The following RTN4 variants were observed in gnomAD, a reference collection of about 807,000 sequenced individuals.
The protein encoded by RTN4 is reticulon-4.
Under a neutral mutation model 90.4 loss-of-function variants are expected in RTN4, and 32 were observed. That is an observed-to-expected ratio of 0.35 (90% confidence interval 0.27 to 0.48). RTN4 has a LOEUF of 0.48. Ranked by LOEUF, RTN4 falls within the 20% of genes least tolerant of loss-of-function variation. The pLI, the probability that RTN4 is intolerant of heterozygous loss-of-function variation, is 0.99. For synonymous variants in RTN4, 629 were observed against 552.5 expected (o/e 1.14, Z -1.94); for missense variants, 1,706 against 1,430.2 (o/e 1.19, Z -3.11).
chr2:55,134,998 G>A, the RTN4 span, among the ~76,000 whole-genome samples: 1 of 152,098 alleles, frequency 6.6e-6, no homozygotes, highest in Non-Finnish European at 1.5e-5. Flanking sequence ...ACCAGGCATG[G>A]TGGCTCACAC....
chr2:55,080,072 A>G (rs2972067), intron 2 of RTN4, among the ~76,000 whole-genome samples: 102,564 of 152,004 alleles, frequency 0.67, 37,114 homozygotes, highest in East Asian at 0.92. Context: ...GCTAGAGTGT[A>G]GTGGCATGAT....
At chr2:55,115,813 G>T (rs1450552093), upstream of RTN4, among the ~76,000 whole-genome samples, 1 of 152,186 alleles carries the variant, frequency 6.6e-6, no homozygotes, top group Non-Finnish European at 1.5e-5. Flanking sequence ...AAAGTCACCA[G>T]TGTGCTGCTA....
chr2:55,025,350 G>C lies in RTN4; in HGVS notation c.2749C>G (p.His917Asp). Reference sequence around the variant, plus strand: ...TGTATGTTCTTCAAAGAAAGGTCATGGGGCAATTCTGTGCAAGGCAATGAC... The same window carrying C: ...TGTATGTTCTTCAAAGAAAGGTCATCGGGCAATTCTGTGCAAGGCAATGAC... ...AGSLPCTELP[H>D]DLSLKNIQPK... The change falls in exon 3 of 9, where the codon CAT becomes GAT. Residue 917 changes from histidine (H) to aspartate (D), a missense_variant. Transcript: ENST00000337526. 6.2e-7 allele frequency: 1 copy of C among 1,613,938 alleles called. No homozygotes were observed. Among genetic ancestry groups the C allele is most frequent in the Non-Finnish European group, 8.5e-7 (1 of 1,179,878 alleles).
chr2:54,976,637 T>C (rs1677658710), intron 5 of RTN4, among the ~76,000 whole-genome samples: 1 of 152,140 alleles, frequency 6.6e-6, no homozygotes, highest in African/African-American at 2.4e-5. Flanking sequence ...ACAGAAATAG[T>C]GGTTAAGTGT....
intron 1 of RTN4, among the ~76,000 whole-genome samples, chr2:55,099,480 C>G (rs545239468): frequency 6.6e-6 from 1 of 152,006 alleles, no homozygotes; most frequent in Non-Finnish European, 1.5e-5. Context: ...CTTCAGGGAT[C>G]CCTTGTTCAT....
At chr2:54,988,103 G>A (rs1558770120) in intron 3 of RTN4, among the ~76,000 whole-genome samples, 1 of 152,178 alleles carries the variant, frequency 6.6e-6, no homozygotes, top group East Asian at 1.9e-4. Context: ...GATCACCTGA[G>A]GTCAGGCATT....
chr2:55,016,330 C>T (rs960526140), intron 3 of RTN4, among the ~76,000 whole-genome samples: 4 of 152,146 alleles, frequency 2.6e-5, no homozygotes, highest in Non-Finnish European at 5.9e-5. Flanking sequence ...TGCCTTTAAT[C>T]CCAGCACTTT....
intron 1 of RTN4, among the ~76,000 whole-genome samples, chr2:55,095,278 C>T (rs764517570): frequency 1.3e-5 from 2 of 151,684 alleles, no homozygotes; most frequent in Non-Finnish European, 2.9e-5. Context: ...GAGCCGAGAT[C>T]GTGCCACTGC....
chr2:55,070,378 T>G (rs930551176), intron 2 of RTN4, among the ~76,000 whole-genome samples: 9 of 151,718 alleles, frequency 5.9e-5, no homozygotes, highest in Non-Finnish European at 7.4e-5. Flanking sequence ...ATCTTGTCTC[T>G]ACTAAAAATG....
In RTN4 at chr2:55,080,890, T is replaced by C. The variant is rs550106791; in HGVS notation, c.-213-251A>G. ...ATTTGAAAGAACTAATTTTACACTA[T>C]GTAAAGAATGCGCAATCTTTATCTT... On this transcript the variant is annotated intron_variant, in intron 1 of 3. Coordinates refer to the RTN4 transcript ENST00000427710. Among the ~76,000 whole-genome samples, 229 of 152,330 alleles carry C rather than the reference T, an allele frequency of 1.5e-3. 1 individual carries two copies. The highest frequency in any genetic ancestry group is 2.8e-3 in the Non-Finnish European group (192 of 68,036).
chr2:55,085,451 TC>T (rs781527688), intron 1 of RTN4, among the ~76,000 whole-genome samples: 1 of 152,282 alleles, frequency 6.6e-6, no homozygotes, highest in East Asian at 1.9e-4. Flanking sequence ...AGTCTTCAGT[TC>T]GATGGCAGTC....
At chr2:55,058,491 C>A (rs558667441) in intron 2 of RTN4, among the ~76,000 whole-genome samples, 1 of 152,242 alleles carries the variant, frequency 6.6e-6, no homozygotes, top group Admixed American at 6.5e-5. Flanking sequence ...CTACCAGCCA[C>A]TTTCAGGCTT....
chr2:55,129,856 C>T, the RTN4 span, among the ~76,000 whole-genome samples: 1 of 151,920 alleles, frequency 6.6e-6, no homozygotes, highest in South Asian at 2.1e-4. Context: ...CCACCGTGCC[C>T]GGTCAACTCG....
Position 54,977,454 on chromosome 2 carries a change from G to C in RTN4, c.3361-2690C>G, listed in dbSNP as rs181076011. ...ACTTTCAGATTTAAGATTGTGTTCT[G>C]GAACATTATAGTTGCGCCTCAATTA... On this transcript the variant is annotated intron_variant, in intron 5 of 8. Coordinates refer to ENST00000337526, the MANE Select transcript of RTN4 (RefSeq NM_020532.5). Among the ~76,000 whole-genome samples the C allele has an allele frequency of 1.9e-3, 277 of 144,850 alleles. 3 individuals are homozygous for C. The highest frequency in any genetic ancestry group is 3.0e-4 in the Non-Finnish European group (20 of 66,622).
intron 1 of RTN4, among the ~76,000 whole-genome samples, chr2:55,090,000 T>C (rs920097424): frequency 1.3e-5 from 2 of 152,232 alleles, no homozygotes; most frequent in African/African-American, 4.8e-5. Flanking sequence ...TTGTTAAAGT[T>C]GAGAAAGGCT....
At chr2:55,092,016 G>A (rs1668947384) in intron 1 of RTN4, among the ~76,000 whole-genome samples, 1 of 152,016 alleles carries the variant, frequency 6.6e-6, no homozygotes, top group Non-Finnish European at 1.5e-5. Flanking sequence ...TTCAAGTTGA[G>A]ATTTGGGTGG....
intron 3 of RTN4, among the ~76,000 whole-genome samples, chr2:55,024,543 C>T (rs192997362): frequency 6.6e-6 from 1 of 152,026 alleles, no homozygotes; most frequent in South Asian, 2.1e-4. Flanking sequence ...AAAGGAGAAT[C>T]GGTACTTTTC....
the RTN4 span, among the ~76,000 whole-genome samples, chr2:55,119,747 G>C: frequency 6.6e-6 from 1 of 152,170 alleles, no homozygotes; most frequent in African/African-American, 2.4e-5. Context: ...CCAGACTGCT[G>C]GAGCACCACT....
chr2:55,064,420 G>A (rs1197677778), intron 2 of RTN4, among the ~76,000 whole-genome samples: 3 of 144,266 alleles, frequency 2.1e-5, no homozygotes, highest in Non-Finnish European at 4.5e-5. Context: ...ACTTGATCTC[G>A]GCTCACTGCA....
Sources: gnomAD v4.1 joint callset for allele counts (sites outside exome capture counted in the v4.1 genomes callset) on GRCh38, gnomAD v4.1.1 for gene constraint, MANE v1.5 for transcripts, NCBI Gene and HGNC (gene_info 2026-07-23, HGNC 2026-07-21) for gene names.